Variants in VEPH1 observed in about 807,000 individuals in gnomAD.
The protein encoded by VEPH1 is ventricular zone-expressed PH domain-containing protein homolog 1.
Under a neutral mutation model 85.2 loss-of-function variants are expected in VEPH1, and 80 were observed. The observed-to-expected ratio is 0.94, with a 90% CI of 0.78 to 1.13. VEPH1 has a LOEUF of 1.13. Ranked by LOEUF, VEPH1 falls within the 50% of genes most tolerant of loss-of-function variation. The pLI is 0.00. For synonymous variants in VEPH1, 297 were observed against 348.0 expected (o/e 0.85, Z 1.63); for missense variants, 955 against 980.5 (o/e 0.97, Z 0.35).
intron 4 of VEPH1, among the ~76,000 whole-genome samples, chr3:157,441,501 A>T (rs935532340): frequency 8.5e-5 from 13 of 152,282 alleles, no homozygotes; most frequent in Admixed American, 4.6e-4. Context: ...ATCTGAGAAC[A>T]TTTGGTGTAT....
chr3:157,484,960 C>T (rs73013616), intron 2 of VEPH1, among the ~76,000 whole-genome samples: 1,773 of 152,172 alleles, frequency 0.012, 26 homozygotes, highest in African/African-American at 0.039. Context: ...TTCTCCTGCC[C>T]TCAATTGTAT....
At chr3:157,487,776 T>C (rs1738785463) in intron 2 of VEPH1, among the ~76,000 whole-genome samples, 1 of 152,126 alleles carries the variant, frequency 6.6e-6, no homozygotes, top group Admixed American at 6.6e-5. Flanking sequence ...ATTACTGTAA[T>C]TCACCACATT....
chr3:157,328,779 G>T (rs1722191403), intron 9 of VEPH1, among the ~76,000 whole-genome samples: 1 of 152,112 alleles, frequency 6.6e-6, no homozygotes, highest in South Asian at 2.1e-4. Context: ...AAAGCTTCGT[G>T]GCAGGAAGAT....
chr3:157,468,197 C>T (rs12494965), intron 3 of VEPH1, among the ~76,000 whole-genome samples: 27,293 of 152,154 alleles, frequency 0.18, 2,953 homozygotes, highest in East Asian at 0.38. Flanking sequence ...ACATGATCTT[C>T]ACCCAGAAAA....
chr3:157,385,482 T>C lies in VEPH1; in HGVS notation c.907-4106A>G, dbSNP rs79739598. On this transcript the variant is annotated intron_variant, in intron 6 of 13. Coordinates refer to ENST00000362010, the MANE Select transcript of VEPH1 (RefSeq NM_001167912.2). ...TTTATATCTATTGGTATTGGCCATATTGGAAGTTAAAATAGGCAATTTTTA... is the reference window on the plus strand; with the variant it reads ...TTTATATCTATTGGTATTGGCCATACTGGAAGTTAAAATAGGCAATTTTTA... Among the ~76,000 whole-genome samples, 64 of 152,278 alleles carry C rather than the reference T, an allele frequency of 4.2e-4. No individual in the cohort carries two copies. The East Asian group carries it at 0.01, about 24-fold the overall frequency.
intron 9 of VEPH1, among the ~76,000 whole-genome samples, chr3:157,354,035 G>T (rs903136887): frequency 3.9e-5 from 6 of 152,094 alleles, no homozygotes; most frequent in Admixed American, 1.3e-4. Flanking sequence ...CCCATAAAAG[G>T]TACAATACCA....
intron 11 of VEPH1, among the ~76,000 whole-genome samples, chr3:157,302,495 G>C (rs1412351886): frequency 6.6e-6 from 1 of 152,148 alleles, no homozygotes; most frequent in Non-Finnish European, 1.5e-5. Flanking sequence ...TATTAAAGAA[G>C]CCCAGGAGAG....
intron 11 of VEPH1, among the ~76,000 whole-genome samples, chr3:157,300,003 A>G (rs567702304): frequency 1.3e-5 from 2 of 152,290 alleles, no homozygotes; most frequent in South Asian, 4.1e-4. Context: ...GCAGGTAAAG[A>G]AGGTAAGGCA....
intron 2 of VEPH1, among the ~76,000 whole-genome samples, chr3:157,489,980 CTT>C (rs1206526661): frequency 7.9e-5 from 12 of 151,498 alleles, no homozygotes; most frequent in African/African-American, 2.7e-4. Flanking sequence ...ATATAAAACA[CTT>C]ATACATTTAA....
intron 5 of VEPH1, among the ~76,000 whole-genome samples, chr3:157,415,618 C>G (rs746090036): frequency 6.6e-6 from 1 of 151,612 alleles, no homozygotes; most frequent in Non-Finnish European, 1.5e-5. Flanking sequence ...TAAAACCCTA[C>G]AGTCACTTGC....
chr3:157,445,419 G>A (rs1734467840), intron 4 of VEPH1, among the ~76,000 whole-genome samples: 1 of 151,988 alleles, frequency 6.6e-6, no homozygotes, highest in Admixed American at 6.6e-5. Flanking sequence ...TCAGGAGATC[G>A]AGACCATCCT....
intron 5 of VEPH1, among the ~76,000 whole-genome samples, chr3:157,417,269 T>C (rs1358168483): frequency 3.3e-5 from 5 of 152,122 alleles, no homozygotes; most frequent in Admixed American, 6.6e-5. Context: ...GCTTCCTCAT[T>C]GGGAGCCGCC....
intron 6 of VEPH1, among the ~76,000 whole-genome samples, chr3:157,398,779 C>T (rs1008328674): frequency 6.6e-6 from 1 of 151,516 alleles, no homozygotes; most frequent in Non-Finnish European, 1.5e-5. Context: ...ACCTCACGCA[C>T]CACTAGATCT....
chr3:157,299,576 A>G (rs71635281), intron 11 of VEPH1, among the ~76,000 whole-genome samples: 3 of 149,480 alleles, frequency 2.0e-5, no homozygotes, highest in Non-Finnish European at 3.0e-5. Flanking sequence ...AAAAAAAAAA[A>G]AAAAGAAAGA....
chr3:157,410,268 C>T (rs1731431520), intron 6 of VEPH1, among the ~76,000 whole-genome samples: 1 of 152,112 alleles, frequency 6.6e-6, no homozygotes, highest in Admixed American at 6.6e-5. Flanking sequence ...ATCCCCATGC[C>T]TTATATGGTC....
intron 11 of VEPH1, among the ~76,000 whole-genome samples, chr3:157,299,879 T>C (rs1718585435): frequency 6.6e-6 from 1 of 152,246 alleles, no homozygotes; most frequent in South Asian, 2.1e-4. Flanking sequence ...TACCAGCTAC[T>C]GTTTATTGAG....
chr3:157,497,075 C>T (rs1165725534), intron 1 of VEPH1, among the ~76,000 whole-genome samples: 2 of 152,098 alleles, frequency 1.3e-5, no homozygotes, highest in African/African-American at 4.8e-5. Context: ...AACTGGAGAG[C>T]TGGAATTTGA....
intron 4 of VEPH1, among the ~76,000 whole-genome samples, chr3:157,436,523 A>T (rs552730341): frequency 6.6e-6 from 1 of 152,320 alleles, no homozygotes; most frequent in East Asian, 1.9e-4. Context: ...GATTTGCTTC[A>T]GTACCCTCTG....
intron 4 of VEPH1, among the ~76,000 whole-genome samples, chr3:157,451,544 T>G (rs1459628543): frequency 6.6e-6 from 1 of 152,192 alleles, no homozygotes; most frequent in Non-Finnish European, 1.5e-5. Context: ...TTAGAACTAT[T>G]GAAATATTTG....
Sources: gnomAD v4.1 joint callset for allele counts (sites outside exome capture counted in the v4.1 genomes callset) on GRCh38, gnomAD v4.1.1 for gene constraint, MANE v1.5 for transcripts, NCBI Gene and HGNC (gene_info 2026-07-23, HGNC 2026-07-21) for gene names.